The following NR5A2 variants were observed in gnomAD, a reference collection of about 807,000 sequenced individuals.
The protein encoded by NR5A2 is nuclear receptor subfamily 5 group A member 2.
NR5A2 carries 26 observed loss-of-function variants against 62.7 expected under a neutral mutation model. The ratio of observed to expected loss-of-function variants is 0.41; its 90% CI spans 0.30 to 0.58. The LOEUF (loss-of-function observed/expected upper bound fraction) is 0.58. Among genes scored for constraint, NR5A2 ranks in the 20% least tolerant of loss-of-function variants. The probability of loss-of-function intolerance (pLI) is 0.22; values close to 1 mark genes in which losing one functional copy is unlikely to be tolerated. For synonymous variants in NR5A2, 246 were observed against 241.7 expected, an observed-to-expected ratio of 1.02 and a Z score of -0.16; for missense variants, 541 against 669.1, an observed-to-expected ratio of 0.81 and a Z score of 2.11.
rs1172815645 is a variant in NR5A2, at chr1:200,027,839, T to A, written c.-9T>A. The A allele has an allele frequency of 6.3e-7, 1 of 1,595,308 alleles. No homozygotes were observed. The highest frequency in any genetic ancestry group is 8.5e-7 in the Non-Finnish European group (1 of 1,170,050). The stretch of plus-strand genomic sequence containing the variant: ...TTAAGCCAAAGAACTGCCTATAATT[T>A]CACTAAGAATGTCTTCTAATTCAGA... On this transcript the variant is annotated 5_prime_UTR_variant, in exon 1 of 8. Coordinates refer to ENST00000367362, the MANE Select transcript of NR5A2 (RefSeq NM_205860.3).
intron 7 of NR5A2, among the ~76,000 whole-genome samples, chr1:200,144,186 ACCACCG>A (rs1182586101): frequency 6.8e-6 from 1 of 146,076 alleles, no homozygotes; most frequent in Non-Finnish European, 1.5e-5. Flanking sequence ...ACCACCAACC[ACCACCG>A]CCACCATCAT....
intron 5 of NR5A2, among the ~76,000 whole-genome samples, chr1:200,098,107 G>A (rs903200811): frequency 1.3e-5 from 2 of 152,134 alleles, no homozygotes; most frequent in Non-Finnish European, 2.9e-5. Flanking sequence ...GCTATCTAGT[G>A]GGAGTGGGTG....
At chr1:200,053,226 C>T (rs765127072) in intron 5 of NR5A2, among the ~76,000 whole-genome samples, 6 of 152,118 alleles carry the variant, frequency 3.9e-5, no homozygotes, top group Non-Finnish European at 4.4e-5. Flanking sequence ...AAGCGAGCTG[C>T]TTTGTTTTTT....
At chr1:200,169,404 A>G (rs1016598773) in intron 7 of NR5A2, among the ~76,000 whole-genome samples, 6 of 152,236 alleles carry the variant, frequency 3.9e-5, no homozygotes, top group Admixed American at 3.3e-4. Context: ...GGCTCAGCAG[A>G]GGACCCATTT....
intron 5 of NR5A2, among the ~76,000 whole-genome samples, chr1:200,092,533 C>G (rs186238800): frequency 7.9e-5 from 12 of 152,164 alleles, no homozygotes; most frequent in Middle Eastern, 6.8e-3. Context: ...CGCTTCCCTC[C>G]GTGAACTGGT....
intron 5 of NR5A2, among the ~76,000 whole-genome samples, chr1:200,104,850 ATGGAATTTCACCATGTT>A (rs1216496659): frequency 6.6e-6 from 1 of 152,098 alleles, no homozygotes; most frequent in African/African-American, 2.4e-5. Context: ...TTTAGTAGAG[ATGGAATTTCACCATGTT>A]GGCCAGGCTG....
At chr1:200,157,128 A>G (rs1459132868) in intron 7 of NR5A2, among the ~76,000 whole-genome samples, 2 of 152,236 alleles carry the variant, frequency 1.3e-5, no homozygotes, top group African/African-American at 4.8e-5. Context: ...ATACTTTATA[A>G]GCCAGGCACT....
intron 3 of NR5A2, among the ~76,000 whole-genome samples, chr1:200,044,850 TTTCC>T (rs1166209284): frequency 6.6e-6 from 1 of 152,118 alleles, no homozygotes; most frequent in Non-Finnish European, 1.5e-5. Context: ...ATACATGCTT[TTTCC>T]TTCCATTAGT....
intron 5 of NR5A2, among the ~76,000 whole-genome samples, chr1:200,067,804 C>T (rs1209579354): frequency 6.6e-6 from 1 of 152,204 alleles, no homozygotes; most frequent in Non-Finnish European, 1.5e-5. Context: ...ACAAAAAAGA[C>T]TAAGTGCCTA....
At position 200,048,230 on chromosome 1, in the gene NR5A2, A is replaced by G; in HGVS notation, c.522A>G (p.Arg174=). ...ATAAGTTTGGGCCAATGTACAAGAG[A>G]GACAGGGCCCTGAAGCAACAGAAAA... ...GRNKFGPMYK[R]DRALKQQKKA... The change falls in exon 5 of 8, where the codon AGA becomes AGG. Residue 174 remains arginine, a synonymous_variant. Transcript: ENST00000367362. This position sits in a 1 kb window ranked among gnomAD's most constrained non-coding sequence, Gnocchi z 4.8. 6.2e-7 allele frequency: 1 copy of G among 1,614,046 alleles called. No individual in the cohort carries two copies. The highest frequency in any genetic ancestry group is 8.5e-7 in the Non-Finnish European group (1 of 1,180,016).
chr1:200,133,848 A>G (rs989104151), intron 7 of NR5A2, among the ~76,000 whole-genome samples: 7 of 152,028 alleles, frequency 4.6e-5, no homozygotes, highest in African/African-American at 1.4e-4. Flanking sequence ...TTGTTATAGG[A>G]GATGACAGCT....
chr1:200,127,667 ACT>A (rs1330881190), intron 7 of NR5A2, among the ~76,000 whole-genome samples: 1 of 114,652 alleles, frequency 8.7e-6, no homozygotes, highest in Non-Finnish European at 1.7e-5. Context: ...TCAGAGAAAG[ACT>A]CTGTCTCAAA....
intron 2 of NR5A2, among the ~76,000 whole-genome samples, chr1:200,042,616 G>A (rs529816159): frequency 6.6e-6 from 1 of 152,370 alleles, no homozygotes; most frequent in African/African-American, 2.4e-5. Context: ...GGTAGCAGGA[G>A]GTAGAGCCTA....
At position 200,089,993 on chromosome 1, in the gene NR5A2, CATGGGGACTATTTGAA is replaced by C. The variant is rs576018359; in HGVS notation, c.1111-21181_1111-21166del. On this transcript the variant is annotated intron_variant, in intron 5 of 7. Coordinates refer to ENST00000367362, the MANE Select transcript of NR5A2 (RefSeq NM_205860.3). Reference sequence around the variant, plus strand: ...TAAATGTAGGCCTGGACGTATTTGACATGGGGACTATTTGAAATGGGGACTATTTGAAATGGGGACT... The same window carrying C: ...TAAATGTAGGCCTGGACGTATTTGACATGGGGACTATTTGAAATGGGGACT... 3.6e-3 allele frequency among the ~76,000 whole-genome samples: 551 copies of C among 152,226 alleles called. 1 individual carries two copies. Among genetic ancestry groups the C allele is most frequent in the African/African-American group, 0.012 (499 of 41,518 alleles).
chr1:200,091,484 C>CTTTTT (rs35491701), intron 5 of NR5A2, among the ~76,000 whole-genome samples: 25 of 126,506 alleles, frequency 2.0e-4, no homozygotes, highest in African/African-American at 5.6e-4. Flanking sequence ...TGCTCTCTTT[C>CTTTTT]TTTTTTTTTT....
intron 5 of NR5A2, among the ~76,000 whole-genome samples, chr1:200,099,916 A>T (rs746228601): frequency 1.1e-4 from 17 of 152,208 alleles, no homozygotes; most frequent in Non-Finnish European, 2.1e-4. Context: ...TTTTTGGCTG[A>T]TGGCATTGTT....
At chr1:200,144,101 C>A (rs922667875) in intron 7 of NR5A2, among the ~76,000 whole-genome samples, 3 of 152,040 alleles carry the variant, frequency 2.0e-5, no homozygotes, top group African/African-American at 7.2e-5. Flanking sequence ...TGAGAATTCA[C>A]CACAATATTT....
At chr1:200,157,144 A>G (rs188738011) in intron 7 of NR5A2, among the ~76,000 whole-genome samples, 57 of 152,346 alleles carry the variant, frequency 3.7e-4, no homozygotes, top group African/African-American at 1.3e-3. Context: ...GCACTGTCCT[A>G]CCTTGTGGTA....
At chr1:200,154,200 T>G (rs1653270127) in intron 7 of NR5A2, among the ~76,000 whole-genome samples, 1 of 152,238 alleles carries the variant, frequency 6.6e-6, no homozygotes, top group Non-Finnish European at 1.5e-5. Context: ...CTTTCAGGGT[T>G]GTTTCAGCAG....
Sources: gnomAD v4.1 joint callset for allele counts (sites outside exome capture counted in the v4.1 genomes callset) on GRCh38, gnomAD v4.1.1 for gene constraint, Gnocchi (gnomAD v3.1) non-coding constraint, MANE v1.5 for transcripts, NCBI Gene and HGNC (gene_info 2026-07-23, HGNC 2026-07-21) for gene names.